MYO10: variants seen among roughly 807,000 people sequenced by gnomAD.
The protein encoded by MYO10 is unconventional myosin-X.
Under a neutral mutation model 257.3 loss-of-function variants are expected in MYO10, and 133 were observed. The observed-to-expected ratio is 0.52, with a 90% CI of 0.45 to 0.60. The LOEUF (loss-of-function observed/expected upper bound fraction) is 0.60, where lower values mean the gene tolerates loss of function less well. Ranked by LOEUF, MYO10 falls within the 20% of genes least tolerant of loss-of-function variation. The pLI is 0.00. For synonymous variants in MYO10, 1,104 were observed against 1,028.6 expected (o/e 1.07, Z -1.40); for missense variants, 2,399 against 2,635.7 (o/e 0.91, Z 1.97).
intron 19 of MYO10, among the ~76,000 whole-genome samples, chr5:16,733,301 C>T (rs1398102847): frequency 6.6e-6 from 1 of 152,108 alleles, no homozygotes; most frequent in African/African-American, 2.4e-5. Context: ...TCACCCCACC[C>T]CATCATCCCA....
At chr5:16,825,230 C>T (rs1031091177) in intron 2 of MYO10, among the ~76,000 whole-genome samples, 10 of 152,184 alleles carry the variant, frequency 6.6e-5, no homozygotes, top group Non-Finnish European at 1.2e-4. Context: ...GCTATCCTCT[C>T]GGAAGACACC....
At position 16,699,590 on chromosome 5, in the gene MYO10, A is replaced by C. The variant is rs760933508; in HGVS notation, c.3433-17T>G. 2.5e-6 allele frequency: 4 copies of C among 1,613,248 alleles called. No individual in the cohort carries two copies. The highest frequency in any genetic ancestry group is 3.4e-6 in the Non-Finnish European group (4 of 1,179,840). ...ATCTTCAAACTGGACCGAGAGAGAG[A>C]AGCCAACGGTGAGGGAAAAGGCCAC... On this transcript the variant is annotated splice_polypyrimidine_tract_variant and intron_variant, in intron 25 of 40. Transcript: ENST00000513610.
intron 19 of MYO10, chr5:16,713,528 G>C (rs925527503): frequency 3.1e-6 from 3 of 975,890 alleles, no homozygotes; most frequent in Admixed American, 1.2e-4. Flanking sequence ...GTGTGGTGTG[G>C]TTGTAGGATT....
intron 2 of MYO10, among the ~76,000 whole-genome samples, chr5:16,825,976 T>C (rs1262289671): frequency 6.6e-6 from 1 of 152,030 alleles, no homozygotes; most frequent in Non-Finnish European, 1.5e-5. Context: ...GGTGAAACCC[T>C]GTCTCTACTA....
chr5:16,713,149 G>A (rs765594615), intron 19 of MYO10, among the ~76,000 whole-genome samples: 9 of 152,094 alleles, frequency 5.9e-5, no homozygotes, highest in Admixed American at 2.0e-4. Context: ...CACTTGATGC[G>A]CAAAGACTTT....
chr5:16,683,320 A>C (rs1397295603), intron 30 of MYO10, among the ~76,000 whole-genome samples: 1 of 152,200 alleles, frequency 6.6e-6, no homozygotes, highest in East Asian at 1.9e-4. Flanking sequence ...ACAGAAAAAC[A>C]GAGACAATAA....
At chr5:16,711,044 G>A (rs768899156) in intron 20 of MYO10, 22 bp from the exon 21 acceptor site, 2 of 1,613,594 alleles carry the variant, frequency 1.2e-6, no homozygotes, top group Non-Finnish European at 1.7e-6. Context: ...AGACACACAG[G>A]GTCACCTTCT....
At chr5:16,771,976 C>T (rs1349554260) in intron 9 of MYO10, among the ~76,000 whole-genome samples, 8 of 151,696 alleles carry the variant, frequency 5.3e-5, no homozygotes, top group Admixed American at 3.9e-4. Flanking sequence ...AATTTCAATG[C>T]TGAAAATTTG....
chr5:16,825,951 C>T (rs983614509), intron 2 of MYO10, among the ~76,000 whole-genome samples: 1 of 152,100 alleles, frequency 6.6e-6, no homozygotes, highest in Non-Finnish European at 1.5e-5. Context: ...AGATCGAGAC[C>T]AGCCTGGTCA....
At position 16,743,496 on chromosome 5, in the gene MYO10, G is replaced by A. The variant is rs149736548; in HGVS notation, c.1929+11332C>T. On this transcript the variant is annotated intron_variant, in intron 19 of 40. Coordinates refer to ENST00000513610, the MANE Select transcript of MYO10 (RefSeq NM_012334.3). ...CATCTCTATTAAAAATACAAAAATC[G>A]GCCAGGCGTGGCAGTGCACACCTGT... 3.5e-3 allele frequency among the ~76,000 whole-genome samples: 528 copies of A among 151,900 alleles called. 5 individuals are homozygous for A. The highest frequency in any genetic ancestry group is 0.012 in the African/African-American group (482 of 41,440).
At chr5:16,815,374 T>C in intron 3 of MYO10, 1 of 681,986 alleles carries the variant, frequency 1.5e-6, no homozygotes, top group East Asian at 2.7e-5. Flanking sequence ...GCATTTCCTT[T>C]CAGCAACACA....
chr5:16,668,570 AGAT>A, intron 39 of MYO10, 102 bp from the exon 40 acceptor site: 3 of 912,270 alleles, frequency 3.3e-6, no homozygotes, highest in Non-Finnish European at 4.7e-6. Context: ...TCTGTGCAGA[AGAT>A]TAAATATATT....
chr5:16,680,524 C>G (rs1736943768), intron 32 of MYO10, among the ~76,000 whole-genome samples: 1 of 152,170 alleles, frequency 6.6e-6, no homozygotes, highest in Admixed American at 6.6e-5. Context: ...AGCACTTGGC[C>G]TGGCAGTGTG....
chr5:16,788,063 G>T (rs1741642868), intron 4 of MYO10, among the ~76,000 whole-genome samples: 2 of 152,318 alleles, frequency 1.3e-5, no homozygotes, highest in African/African-American at 2.4e-5. Flanking sequence ...CAAAGTGCTG[G>T]CATTACAGGC....
intron 26 of MYO10, 114 bp from the exon 27 acceptor site, chr5:16,694,728 C>T (rs564234330): frequency 4.5e-6 from 6 of 1,345,432 alleles, no homozygotes; most frequent in Non-Finnish European, 5.1e-6. Flanking sequence ...CTGCCCCAGC[C>T]GCAGCACCGC....
intron 26 of MYO10, among the ~76,000 whole-genome samples, chr5:16,697,493 A>G (rs1291532420): frequency 6.6e-6 from 1 of 152,162 alleles, no homozygotes; most frequent in Non-Finnish European, 1.5e-5. Context: ...CAAGGTTAGG[A>G]GTTCGAGACC....
intron 9 of MYO10, among the ~76,000 whole-genome samples, chr5:16,770,047 C>T (rs1050615792): frequency 2.0e-5 from 3 of 151,834 alleles, no homozygotes; most frequent in Admixed American, 1.3e-4. Flanking sequence ...GGATTACAGG[C>T]GTGAGCCACC....
chr5:16,834,491 A>C (rs1235771125), intron 2 of MYO10, among the ~76,000 whole-genome samples: 2 of 152,144 alleles, frequency 1.3e-5, no homozygotes. Flanking sequence ...TGTCTCACAA[A>C]AACTTCTGGG....
intron 2 of MYO10, among the ~76,000 whole-genome samples, chr5:16,869,191 A>AT (rs70943814): frequency 0.64 from 74,110 of 115,968 alleles, 23,764 homozygotes; most frequent in Non-Finnish European, 0.66. Flanking sequence ...CACCCGGCTA[A>AT]TTTTTTTTTT....
Sources: allele counts gnomAD v4.1 joint callset (sites outside exome capture counted in the v4.1 genomes callset), GRCh38; gene constraint gnomAD v4.1.1; transcripts MANE v1.5; gene names NCBI Gene and HGNC (gene_info 2026-07-23, HGNC 2026-07-21).